Variants in PLXDC2 observed in about 807,000 individuals in gnomAD.
The protein encoded by PLXDC2 is plexin domain-containing protein 2.
In PLXDC2, 40 loss-of-function variants were observed where a neutral mutation model predicts 68.9. The observed-to-expected ratio is 0.58, with a 90% CI of 0.45 to 0.76. The LOEUF is 0.76. PLXDC2 is among the 30% of genes least tolerant of loss of function. The pLI is 0.00. For missense variants in PLXDC2, 644 were observed against 661.9 expected, an observed-to-expected ratio of 0.97 and a Z score of 0.30; for synonymous variants, 243 against 234.2, an observed-to-expected ratio of 1.04 and a Z score of -0.34.
Position 19,817,189 on chromosome 10 carries a change from T to G in PLXDC2, c.110T>G (p.Leu37Arg). 2 of 1,563,454 alleles carry G rather than the reference T, an allele frequency of 1.3e-6. No individual in the cohort carries two copies. Among genetic ancestry groups the G allele is most frequent in the Non-Finnish European group, 1.7e-6 (2 of 1,151,416 alleles). ...GATGGGAAACCCGGAGACCAAATCC[T>G]TGGTAAGTAAGATGCACTTTAGCTT... is the stretch of plus-strand genomic sequence containing the variant. ...FADGKPGDQI[L>R]DWQYGVTQAF... The change falls in exon 1 of 14, where the codon CTT (leucine) becomes CGT (arginine). Residue 37 changes from leucine (L) to arginine (R), a missense_variant and splice_region_variant. By Grantham distance (102) the Leu-to-Arg change is moderately radical. This residue lies in a region of PLXDC2 where 201 missense variants were observed against 166.9 expected (regional missense o/e 1.20). Coordinates refer to ENST00000377252, the MANE Select transcript of PLXDC2 (RefSeq NM_032812.9).
In PLXDC2 at chr10:20,196,454, C is replaced by T. The variant is rs554070634; in HGVS notation, c.1062-15215C>T. Among the ~76,000 whole-genome samples, 5 of 152,208 alleles carry T rather than the reference C, an allele frequency of 3.3e-5. No individual in the cohort carries two copies. In the South Asian group the frequency reaches 8.3e-4, roughly 25 times the overall value. On this transcript the variant is annotated intron_variant, in intron 9 of 13. Coordinates refer to ENST00000377252, the MANE Select transcript of PLXDC2 (RefSeq NM_032812.9). ...TAAAATAACTGACATTTGTTGAGCACCTTCTATGTAAAACACCAAAAGAGT... is the reference window on the plus strand; with the variant it reads ...TAAAATAACTGACATTTGTTGAGCATCTTCTATGTAAAACACCAAAAGAGT...
At chr10:20,110,637 C>G in intron 4 of PLXDC2, among the ~76,000 whole-genome samples, 1 of 152,256 alleles carries the variant, frequency 6.6e-6, no homozygotes, top group East Asian at 1.9e-4. Context: ...CTCTGAACGC[C>G]GGTCACTGTC....
intron 3 of PLXDC2, among the ~76,000 whole-genome samples, chr10:20,061,691 A>G (rs1189401353): frequency 6.6e-6 from 1 of 152,206 alleles, no homozygotes; most frequent in African/African-American, 2.4e-5. Flanking sequence ...CAAAATACTT[A>G]GCATAATGTC....
chr10:19,994,312 A>ATTTTTTTTTTTTTTTTTTT lies in PLXDC2; in HGVS notation c.113-7453_113-7435dup, dbSNP rs869124443. 8.2e-4 allele frequency among the ~76,000 whole-genome samples: 28 copies of ATTTTTTTTTTTTTTTTTTT among 34,324 alleles called. 1 individual carries two copies. The highest frequency in any genetic ancestry group is 1.1e-3 in the Non-Finnish European group (22 of 20,218). The allele number at this position is 34,324 out of a possible 152,430, so 22.5% of individuals were successfully genotyped here. On this transcript the variant is annotated intron_variant, in intron 1 of 13. Coordinates refer to ENST00000377252, the MANE Select transcript of PLXDC2 (RefSeq NM_032812.9). ...TCTGACTACTTGGAAACATGATTAA[A>ATTTTTTTTTTTTTTTTTTT]TTTTTTTTTTTTTTTTTTTTTTTTT...
In PLXDC2 at chr10:20,200,755, C is replaced by T. The variant is rs140191047; in HGVS notation, c.1062-10914C>T. On this transcript the variant is annotated intron_variant, in intron 9 of 13. Transcript: ENST00000377252. ...TCTCAAAAGATGATATACAAATGGC[C>T]AACAAATATAATTTTAAAAATACTC... is the stretch of plus-strand genomic sequence containing the variant. 1.9e-3 allele frequency among the ~76,000 whole-genome samples: 289 copies of T among 151,858 alleles called. 2 individuals carry two copies. The highest frequency in any genetic ancestry group is 6.5e-3 in the African/African-American group (271 of 41,444).
At chr10:20,271,712 G>A (rs1329080756) in intron 13 of PLXDC2, among the ~76,000 whole-genome samples, 1 of 152,106 alleles carries the variant, frequency 6.6e-6, no homozygotes, top group Non-Finnish European at 1.5e-5. Context: ...TGGAATGCAG[G>A]CTGGCAGGAA....
intron 4 of PLXDC2, among the ~76,000 whole-genome samples, chr10:20,134,837 G>A (rs907981205): frequency 1.3e-5 from 2 of 152,140 alleles, no homozygotes; most frequent in Non-Finnish European, 2.9e-5. Flanking sequence ...CCAGCCTGGA[G>A]CTCAGGTCTC....
chr10:20,175,405 C>T (rs542587129), intron 7 of PLXDC2, among the ~76,000 whole-genome samples: 10 of 152,162 alleles, frequency 6.6e-5, no homozygotes, highest in East Asian at 1.9e-4. Flanking sequence ...ACCACTATGA[C>T]GCTCAGTGGC....
chr10:20,238,914 G>T (rs1835477386), intron 12 of PLXDC2, among the ~76,000 whole-genome samples: 1 of 151,334 alleles, frequency 6.6e-6, no homozygotes, highest in Admixed American at 6.6e-5. Context: ...TCAGATTAGA[G>T]TATATTATCT....
chr10:20,134,331 T>C (rs1833906361), intron 4 of PLXDC2, among the ~76,000 whole-genome samples: 1 of 152,234 alleles, frequency 6.6e-6, no homozygotes, highest in Admixed American at 6.5e-5. Flanking sequence ...TTTGAAGAAG[T>C]AGGCACTTCT....
At chr10:19,831,813 C>T (rs1371278887) in intron 1 of PLXDC2, among the ~76,000 whole-genome samples, 2 of 152,120 alleles carry the variant, frequency 1.3e-5, no homozygotes, top group Non-Finnish European at 2.9e-5. Flanking sequence ...ATATTTTCTT[C>T]ATTCAGTCCA....
At chr10:19,911,244 C>T (rs530296210) in intron 1 of PLXDC2, among the ~76,000 whole-genome samples, 1 of 151,520 alleles carries the variant, frequency 6.6e-6, no homozygotes, top group South Asian at 2.1e-4. Flanking sequence ...AATCATTGAG[C>T]GTGTTGATCA....
Position 20,287,492 on chromosome 10 carries a change from C to T in PLXDC2, c.*7673C>T, listed in dbSNP as rs1404744618. 1.3e-5 allele frequency: 2 copies of T among 152,058 alleles called. No homozygotes were observed. The highest frequency in any genetic ancestry group is 3.9e-4 in the East Asian group (2 of 5,174). The allele number at this position is 152,058 out of a possible 1,614,324, so 9.4% of individuals were successfully genotyped here. ...TATTTTCTGGACATTTGTGGTGAAG[C>T]CTCAGCCACCATGTTCAAGGTGGTT... On this transcript the variant is annotated 3_prime_UTR_variant, in exon 14 of 14. Transcript: ENST00000377252.
At chr10:20,238,675 A>ATATACACACATATATATG (rs1158050812) in intron 12 of PLXDC2, among the ~76,000 whole-genome samples, 3 of 128,754 alleles carry the variant, frequency 2.3e-5, no homozygotes, top group Non-Finnish European at 4.8e-5. Context: ...ATATATATAT[A>ATATACACACATATATATG]TGTATATATA....
chr10:20,014,783 C>T (rs933845602), intron 2 of PLXDC2, among the ~76,000 whole-genome samples: 11 of 152,104 alleles, frequency 7.2e-5, no homozygotes, highest in African/African-American at 2.4e-4. Flanking sequence ...TATCTCTTAT[C>T]TTGTTACTAA....
In PLXDC2 at chr10:20,210,037, A is replaced by G. The variant is rs1273173538; in HGVS notation, c.1062-1632A>G. 3.3e-5 allele frequency among the ~76,000 whole-genome samples: 5 copies of G among 152,170 alleles called. No homozygotes were observed. In the East Asian group the frequency reaches 7.7e-4, roughly 24 times the overall value. On this transcript the variant is annotated intron_variant, in intron 9 of 13. Coordinates refer to ENST00000377252, the MANE Select transcript of PLXDC2 (RefSeq NM_032812.9). ...TGTTCAGGGTCCCTGACTTCCCGCA[A>G]CACATAAGTACATGAGATTTTACAT...
intron 4 of PLXDC2, among the ~76,000 whole-genome samples, chr10:20,075,928 T>C (rs1264075550): frequency 1.3e-5 from 2 of 152,178 alleles, no homozygotes; most frequent in Non-Finnish European, 2.9e-5. Flanking sequence ...TACGGATGTT[T>C]ATACCAGGAA....
chr10:20,229,628 G>A (rs1333045806), intron 12 of PLXDC2, among the ~76,000 whole-genome samples: 2 of 151,714 alleles, frequency 1.3e-5, no homozygotes, highest in East Asian at 3.9e-4. Flanking sequence ...TCCATTAGAT[G>A]GTAAATTTAG....
At chr10:20,258,612 A>G (rs2119362155) in intron 13 of PLXDC2, among the ~76,000 whole-genome samples, 1 of 152,266 alleles carries the variant, frequency 6.6e-6, no homozygotes, top group South Asian at 2.1e-4. Context: ...TCTCTTCACT[A>G]TAGCAAAGAC....
Sources: gnomAD v4.1 joint callset for allele counts (sites outside exome capture counted in the v4.1 genomes callset) on GRCh38, gnomAD v4.1.1 for gene constraint, gnomAD v4.1.1 regional missense constraint, MANE v1.5 for transcripts, NCBI Gene and HGNC (gene_info 2026-07-23, HGNC 2026-07-21) for gene names.